Variants in DAB2IP observed in about 807,000 individuals in gnomAD.
DAB2IP encodes the protein DAB2 interacting protein.
In DAB2IP, 28 loss-of-function variants were observed where a neutral mutation model predicts 107.2. That is an observed-to-expected ratio of 0.26 (90% CI 0.19 to 0.36). DAB2IP has a LOEUF of 0.36. Ranked by LOEUF, DAB2IP falls within the 10% of genes least tolerant of loss-of-function variation. DAB2IP has a pLI of 1.00. For missense variants in DAB2IP, 1,400 were observed against 1,644.7 expected, an observed-to-expected ratio of 0.85 and a Z score of 2.57; for synonymous variants, 755 against 706.4, an observed-to-expected ratio of 1.07 and a Z score of -1.09.
At position 121,776,190 on chromosome 9, in the gene DAB2IP, C is replaced by G; in HGVS notation, c.3121-8C>G. On this transcript the variant is annotated splice_region_variant and splice_polypyrimidine_tract_variant and intron_variant, in intron 13 of 15. Coordinates refer to ENST00000408936, the Ensembl canonical transcript of DAB2IP. This position sits in a 1 kb window ranked among gnomAD's most constrained non-coding sequence, Gnocchi z 5.4. ...GTGCTGTGCCCGTGGACGCTGCCCT[C>G]CTGGTAGGACCTGGCGGTGCTGCAG... 1.3e-6 allele frequency: 2 copies of G among 1,567,322 alleles called. No individual in the cohort carries two copies. The highest frequency in any genetic ancestry group is 1.7e-6 in the Non-Finnish European group (2 of 1,156,224).
At chr9:121,757,045 G>A (rs201767314) in exon 4 of DAB2IP, 11 of 1,614,170 alleles carry the variant, frequency 6.8e-6, no homozygotes, top group East Asian at 4.5e-5. Flanking sequence ...AAGGAGTCTC[G>A]CTCCCACGAG....
At chr9:121,773,582 A>C in intron 12 of DAB2IP, 87 bp downstream of exon 12, 1 of 1,316,570 alleles carries the variant, frequency 7.6e-7, no homozygotes, top group South Asian at 2.5e-5. Flanking sequence ...CCTCTCGGTC[A>C]TTTCACCTCC....
intron 1 of DAB2IP, among the ~76,000 whole-genome samples, chr9:121,590,166 T>G (rs1830397392): frequency 6.6e-6 from 1 of 151,444 alleles, no homozygotes; most frequent in African/African-American, 2.4e-5. Context: ...CTCTGGGTAT[T>G]GAATTCTCAA....
At chr9:121,650,978 T>C (rs1832720098), upstream of DAB2IP, among the ~76,000 whole-genome samples, 2 of 152,176 alleles carry the variant, frequency 1.3e-5, no homozygotes, top group Non-Finnish European at 2.9e-5. Context: ...GAGGAGTGAC[T>C]TGGAGAAAGT....
intron 1 of DAB2IP, among the ~76,000 whole-genome samples, chr9:121,591,834 C>T (rs1185317506): frequency 1.3e-5 from 2 of 152,124 alleles, no homozygotes; most frequent in Admixed American, 6.6e-5. Context: ...ATAAGAGGGA[C>T]TCAGACAGTC....
At position 121,571,098 on chromosome 9, in the gene DAB2IP, T is replaced by C. The variant is rs777625148; in HGVS notation, c.40+3870T>C. On this transcript the variant is annotated intron_variant, in intron 1 of 16. Transcript: ENST00000259371. ...GAGCATCCTTCCTCTTTCTCTTCCC[T>C]GAGCTAATTCCTCCTCCTCTTCCCA... is the stretch of plus-strand genomic sequence containing the variant. Among the ~76,000 whole-genome samples, 29 of 152,066 alleles carry C rather than the reference T, an allele frequency of 1.9e-4. 1 individual carries two copies. Among genetic ancestry groups the C allele is most frequent in the Non-Finnish European group, 5.9e-5 (4 of 68,018 alleles).
intron 1 of DAB2IP, among the ~76,000 whole-genome samples, chr9:121,667,522 C>G (rs934070991): frequency 6.6e-6 from 1 of 151,740 alleles, no homozygotes; most frequent in East Asian, 1.9e-4. Context: ...CAGAGTTTCA[C>G]TCTTGTTGCC....
intron 1 of DAB2IP, among the ~76,000 whole-genome samples, chr9:121,671,992 G>A (rs965215313): frequency 5.3e-5 from 8 of 152,212 alleles, no homozygotes; most frequent in African/African-American, 1.9e-4. Flanking sequence ...GGTTCCTACT[G>A]GCTATTGTGT....
In DAB2IP at chr9:121,783,627, C is replaced by A; in HGVS notation, c.*1129C>A. 6 of 1,557,938 alleles carry A rather than the reference C, an allele frequency of 3.9e-6. No homozygotes were observed. The South Asian group carries it at 6.7e-5, about 17-fold the overall frequency. ...GCGCACTGCATGGGAAATAGCGGCC[C>A]TGGAGGATGTTAGACTTGCTCCCTC... On this transcript the variant is annotated 3_prime_UTR_variant, in exon 16 of 16. Coordinates refer to ENST00000408936, the Ensembl canonical transcript of DAB2IP.
chr9:121,615,300 A>G (rs1194690907), intron 1 of DAB2IP, among the ~76,000 whole-genome samples: 1 of 152,228 alleles, frequency 6.6e-6, no homozygotes, highest in Non-Finnish European at 1.5e-5. Context: ...CCTGCAGTAA[A>G]GAAACCTGCT....
chr9:121,682,343 G>A (rs1272555278), intron 2 of DAB2IP, among the ~76,000 whole-genome samples: 1 of 152,328 alleles, frequency 6.6e-6, no homozygotes, highest in East Asian at 1.9e-4. Context: ...AACCCAGATG[G>A]CAGGCTGTCA....
exon 13 of DAB2IP, chr9:121,774,355 A>G: frequency 6.2e-7 from 1 of 1,612,806 alleles, no homozygotes. Flanking sequence ...GCCTGGGCCC[A>G]GACCCCCCCC....
chr9:121,577,521 G>C (rs1261759219), intron 1 of DAB2IP, among the ~76,000 whole-genome samples: 3 of 152,244 alleles, frequency 2.0e-5, no homozygotes, highest in African/African-American at 4.8e-5. Flanking sequence ...GAGCACGTGA[G>C]GGCGTGGGGG....
At chr9:121,624,639 G>C (rs1831578279) in intron 1 of DAB2IP, among the ~76,000 whole-genome samples, 1 of 152,182 alleles carries the variant, frequency 6.6e-6, no homozygotes, top group Non-Finnish European at 1.5e-5. Flanking sequence ...GTAACATGCT[G>C]TACAGGCTTG....
intron 3 of DAB2IP, among the ~76,000 whole-genome samples, chr9:121,747,644 G>T (rs1453590991): frequency 6.6e-6 from 1 of 152,082 alleles, no homozygotes; most frequent in African/African-American, 2.4e-5. Flanking sequence ...ACCGCGCCCG[G>T]CCTAGATGCT....
At chr9:121,783,571 C>G in exon 16 of DAB2IP, 1 of 1,613,844 alleles carries the variant, frequency 6.2e-7, no homozygotes, top group Non-Finnish European at 8.5e-7. Context: ...TGCTCGCTTG[C>G]TGGAACACAG....
intron 1 of DAB2IP, among the ~76,000 whole-genome samples, chr9:121,609,148 TTG>T (rs1830995660): frequency 6.6e-6 from 1 of 152,218 alleles, no homozygotes; most frequent in African/African-American, 2.4e-5. Flanking sequence ...TTTTGCCATG[TTG>T]GCCGGGCTGG....
chr9:121,779,973 C>T (rs540534892), intron 14 of DAB2IP, among the ~76,000 whole-genome samples: 26 of 152,316 alleles, frequency 1.7e-4, no homozygotes, highest in African/African-American at 5.8e-4. Context: ...TCACTGGGCT[C>T]TCCTTGTTGG....
chr9:121,771,196 G>A (rs1035288625), intron 11 of DAB2IP, among the ~76,000 whole-genome samples: 1 of 152,194 alleles, frequency 6.6e-6, no homozygotes, highest in Non-Finnish European at 1.5e-5. Context: ...GGGAACAGCA[G>A]AAAACATAAA....
Sources: allele counts gnomAD v4.1 joint callset (sites outside exome capture counted in the v4.1 genomes callset), GRCh38; gene constraint gnomAD v4.1.1; non-coding constraint Gnocchi (gnomAD v3.1); transcripts MANE v1.5; gene names NCBI Gene and HGNC (gene_info 2026-07-23, HGNC 2026-07-21).